The following HERC3 variants were observed in gnomAD, a reference collection of about 807,000 sequenced individuals.
HERC3 encodes the protein HECT and RLD domain containing E3 ubiquitin protein ligase 3.
Under a neutral mutation model 129.9 loss-of-function variants are expected in HERC3, and 58 were observed. The observed-to-expected ratio is 0.45, with a 90% CI of 0.36 to 0.56. The LOEUF (loss-of-function observed/expected upper bound fraction) is 0.56, where lower values mean the gene tolerates loss of function less well. HERC3 is among the 20% of genes least tolerant of loss of function. The probability of loss-of-function intolerance (pLI) is 0.00; values close to 1 mark genes in which losing one functional copy is unlikely to be tolerated. For synonymous variants in HERC3, 430 were observed against 451.0 expected (o/e 0.95, Z 0.59); for missense variants, 835 against 1,244.2 (o/e 0.67, Z 4.95).
intron 3 of HERC3, among the ~76,000 whole-genome samples, chr4:88,613,894 T>G (rs1724620651): frequency 6.6e-6 from 1 of 152,192 alleles, no homozygotes; most frequent in Admixed American, 6.5e-5. Flanking sequence ...GACTTTCTGG[T>G]TCAGAGGTCT....
chr4:88,693,601 G>T (rs954662605), intron 23 of HERC3: 8 of 949,748 alleles, frequency 8.4e-6, no homozygotes, highest in African/African-American at 1.8e-5. Context: ...CCACTGAATT[G>T]TTCCCTTTAA....
intron 23 of HERC3, chr4:88,690,232 G>T (rs558055233): frequency 1.0e-6 from 1 of 977,638 alleles, no homozygotes; most frequent in South Asian, 4.7e-5. Context: ...TTATCTTCAG[G>T]ATGTTTATTT....
At chr4:88,697,120 G>T (rs1269526269) in intron 23 of HERC3, 7 of 1,319,256 alleles carry the variant, frequency 5.3e-6, no homozygotes, top group Non-Finnish European at 6.1e-6. Flanking sequence ...AAAAACCTGA[G>T]CCTTTTTAAG....
At chr4:88,609,300 A>C (rs1396000328) in intron 3 of HERC3, among the ~76,000 whole-genome samples, 1 of 152,152 alleles carries the variant, frequency 6.6e-6, no homozygotes, top group East Asian at 1.9e-4. Flanking sequence ...AACAAACAAC[A>C]ACAACAAAAA....
chr4:88,634,725 G>C (rs1452990771), intron 3 of HERC3, among the ~76,000 whole-genome samples: 1 of 149,314 alleles, frequency 6.7e-6, no homozygotes, highest in Non-Finnish European at 1.5e-5. Context: ...GGGGTTGTCA[G>C]ACATCCTATA....
chr4:88,618,996 C>T (rs1412060267), intron 3 of HERC3, among the ~76,000 whole-genome samples: 1 of 152,170 alleles, frequency 6.6e-6, no homozygotes, highest in Admixed American at 6.5e-5. Context: ...GCTGTAGTGC[C>T]TGTGGATGGA....
chr4:88,527,617 C>A, the HERC3 span: 1 of 245,462 alleles, frequency 4.1e-6, no homozygotes, highest in South Asian at 5.2e-5. Context: ...CCCGCTGATC[C>A]ACAACAGTTT....
rs978303430 is a variant in HERC3 at position 88,707,505 on chromosome 4, A to T, written c.*545A>T. On this transcript the variant is annotated 3_prime_UTR_variant, in exon 26 of 26. Coordinates refer to ENST00000402738, the MANE Select transcript of HERC3 (RefSeq NM_014606.3). ...GAAAGGACTGCTTCAGAAACTCCCA[A>T]TTCCAAAAAGCTGAGTCTGGGTCCA... is the stretch of plus-strand genomic sequence containing the variant. 1 of 152,676 alleles carries T rather than the reference A, an allele frequency of 6.5e-6. No homozygotes were observed. Among genetic ancestry groups the T allele is most frequent in the Non-Finnish European group, 1.5e-5 (1 of 68,348 alleles). The allele number at this position is 152,676 out of a possible 1,614,324, so 9.5% of individuals were successfully genotyped here. A position where few individuals can be genotyped will look rare whatever the true frequency, so the allele number is the denominator to read the frequency against.
At chr4:88,558,750 T>A in the HERC3 span, among the ~76,000 whole-genome samples, 2 of 151,286 alleles carry the variant, frequency 1.3e-5, no homozygotes, top group African/African-American at 4.9e-5. Context: ...GATCACGAGG[T>A]CAGGAGATCG....
intron 23 of HERC3, 23 bp from the exon 24 acceptor site, chr4:88,704,075 T>A: frequency 6.2e-7 from 1 of 1,606,364 alleles, no homozygotes; most frequent in Non-Finnish European, 8.5e-7. Flanking sequence ...GAGCTAAATG[T>A]ATTTTCTTTT....
chr4:88,640,332 C>T (rs966504701), intron 3 of HERC3, among the ~76,000 whole-genome samples: 1 of 152,146 alleles, frequency 6.6e-6, no homozygotes, highest in Non-Finnish European at 1.5e-5. Context: ...CCCAAATGCC[C>T]ATCAATGATA....
At chr4:88,608,337 T>C (rs1485512249) in intron 3 of HERC3, among the ~76,000 whole-genome samples, 1 of 152,200 alleles carries the variant, frequency 6.6e-6, no homozygotes, top group African/African-American at 2.4e-5. Context: ...GGCCTACTCA[T>C]CTGGGGGCAG....
intron 23 of HERC3, chr4:88,689,914 A>C (rs546271338): frequency 5.2e-6 from 4 of 770,730 alleles, no homozygotes; most frequent in Non-Finnish European, 6.3e-6. Flanking sequence ...CGAAGCTAGT[A>C]TGATCTCATA....
At chr4:88,667,225 A>T (rs962430427) in intron 12 of HERC3, 152 bp from the exon 13 acceptor site, 6 of 438,852 alleles carry the variant, frequency 1.4e-5, no homozygotes, top group Admixed American at 4.1e-5. Flanking sequence ...TTATTTTGAG[A>T]TTTATGCAAA....
At chr4:88,604,823 T>C (rs896513274) in intron 2 of HERC3, among the ~76,000 whole-genome samples, 25 of 152,234 alleles carry the variant, frequency 1.6e-4, no homozygotes, top group Non-Finnish European at 1.5e-5. Context: ...GTTTAGTCTT[T>C]TCAGGAACTG....
At chr4:88,537,976 G>A in the HERC3 span, among the ~76,000 whole-genome samples, 6 of 152,210 alleles carry the variant, frequency 3.9e-5, no homozygotes, top group Admixed American at 3.3e-4. Context: ...GGAAGATAAT[G>A]TCCTATGTTA....
At chr4:88,570,608 C>T in the HERC3 span, among the ~76,000 whole-genome samples, 1 of 152,042 alleles carries the variant, frequency 6.6e-6, no homozygotes, top group Non-Finnish European at 1.5e-5. Flanking sequence ...GTGATTAGTC[C>T]AGATATGGCT....
At position 88,708,428 on chromosome 4, in the gene HERC3, T is replaced by C. The variant is rs1226611217; in HGVS notation, c.*1468T>C. 1 of 152,644 alleles carries C rather than the reference T, an allele frequency of 6.6e-6. No homozygotes were observed. The highest frequency in any genetic ancestry group is 1.5e-5 in the Non-Finnish European group (1 of 68,052). The allele number at this position is 152,644 out of a possible 1,614,324, so 9.5% of individuals were successfully genotyped here. Reference sequence around the variant, plus strand: ...AATTGCTAAATTGGTAGTTTTTCAGTCTTTATAAATACAGGATTAAAAATA... The same window carrying C: ...AATTGCTAAATTGGTAGTTTTTCAGCCTTTATAAATACAGGATTAAAAATA... On this transcript the variant is annotated 3_prime_UTR_variant, in exon 26 of 26. Transcript: ENST00000402738.
intron 13 of HERC3, among the ~76,000 whole-genome samples, 154 bp downstream of exon 13, chr4:88,667,642 T>A (rs1420614592): frequency 4.6e-5 from 7 of 152,226 alleles, no homozygotes; most frequent in Non-Finnish European, 1.0e-4. Flanking sequence ...TACCTTTTGC[T>A]TTCTTTTGGC....
Sources: gnomAD v4.1 joint callset for allele counts (sites outside exome capture counted in the v4.1 genomes callset) on GRCh38, gnomAD v4.1.1 for gene constraint, MANE v1.5 for transcripts, NCBI Gene and HGNC (gene_info 2026-07-23, HGNC 2026-07-21) for gene names.